The following BRD9 variants were observed in gnomAD, a reference collection of about 807,000 sequenced individuals.
BRD9 encodes the protein bromodomain containing 9, also known as bromodomain-containing protein 9.
BRD9 carries 47 observed loss-of-function variants against 68.7 expected under a neutral mutation model. That is an observed-to-expected ratio of 0.68 (90% CI 0.54 to 0.87). The LOEUF is 0.87. Ranked by LOEUF, BRD9 falls within the 40% of genes least tolerant of loss-of-function variation. The pLI, the probability that BRD9 is intolerant of heterozygous loss-of-function variation, is 0.00. For missense variants in BRD9, 670 were observed against 748.4 expected (o/e 0.90, Z 1.22); for synonymous variants, 313 against 293.9 (o/e 1.06, Z -0.67).
chr5:878,272 C>T (rs1412662676), intron 11 of BRD9, 83 bp downstream of exon 11: 34 of 1,573,792 alleles, frequency 2.2e-5, no homozygotes, highest in Non-Finnish European at 2.8e-5. Context: ...TCCCCACCCG[C>T]ACACATGTGG....
intron 6 of BRD9, chr5:886,954 C>G (rs1301438191): frequency 1.7e-6 from 1 of 583,850 alleles, no homozygotes; most frequent in African/African-American, 1.9e-5. Context: ...TGCCGCACCT[C>G]CCCTTTACCT....
At chr5:865,267 T>A (rs1382938633) in intron 15 of BRD9, 147 bp downstream of exon 15, 2 of 1,119,836 alleles carry the variant, frequency 1.8e-6, no homozygotes, top group Non-Finnish European at 2.5e-6. Context: ...CCCAAGGACA[T>A]CTGTGGAAAC....
chr5:881,033 C>T, intron 9 of BRD9, 74 bp downstream of exon 9: 2 of 1,493,242 alleles, frequency 1.3e-6, no homozygotes, highest in East Asian at 2.3e-5. Context: ...CTCAGCTTTT[C>T]ATTACAGAAT....
chr5:888,550 A>G (rs1025719605), intron 5 of BRD9: 1 of 152,554 alleles, frequency 6.6e-6, no homozygotes, highest in African/African-American at 2.4e-5. Context: ...TGCAAAACCA[A>G]TGAGCAGTTG....
intron 9 of BRD9, among the ~76,000 whole-genome samples, chr5:880,609 A>C (rs990303401): frequency 9.2e-5 from 14 of 152,292 alleles, no homozygotes; most frequent in African/African-American, 3.1e-4. Flanking sequence ...ACTTTCGTTC[A>C]AAGGACAAGC....
chr5:892,236 C>T, intron 1 of BRD9: 1 of 451,810 alleles, frequency 2.2e-6, no homozygotes, highest in Non-Finnish European at 3.9e-6. Flanking sequence ...GTGCTGCCCG[C>T]TGACACCCAT....
chr5:892,776 C>A lies in BRD9; in HGVS notation c.-119G>T, dbSNP rs1419473887. On this transcript the variant is annotated 5_prime_UTR_variant, in exon 1 of 16. Coordinates refer to ENST00000467963, the MANE Select transcript of BRD9 (RefSeq NM_023924.5). ...CCCGCGCTCGCTGCGCCGAGGTTGC[C>A]GAGCTCGCTGGGCCGCGCCGGAAAC... 4 of 1,106,484 alleles carry A rather than the reference C, an allele frequency of 3.6e-6. No individual in the cohort carries two copies. The highest frequency in any genetic ancestry group is 3.4e-4 in the Middle Eastern group (1 of 2,984). 68.5% of individuals were successfully genotyped at this position (1,106,484 alleles called of 1,614,324 possible). A position where few individuals can be genotyped will look rare whatever the true frequency, so the allele number is the denominator to read the frequency against.
chr5:872,985 C>T lies in BRD9; in HGVS notation c.1384-1421G>A, dbSNP rs891039718. Reference sequence around the variant, plus strand: ...TTAAAGACCAGCCTGGCCAACATGGCGAAACTCCGCCTCTACTAAAAATAC... The same window carrying T: ...TTAAAGACCAGCCTGGCCAACATGGTGAAACTCCGCCTCTACTAAAAATAC... On this transcript the variant is annotated intron_variant, in intron 12 of 15. Transcript: ENST00000467963. Among the ~76,000 whole-genome samples the T allele has an allele frequency of 9.9e-5, 15 of 152,050 alleles. No homozygotes were observed. The East Asian group carries it at 2.9e-3, about 29-fold the overall frequency.
At chr5:876,237 C>CG (rs746711812) in intron 11 of BRD9, 25 bp from the exon 12 acceptor site, 2 of 1,579,112 alleles carry the variant, frequency 1.3e-6, no homozygotes, top group Non-Finnish European at 1.7e-6. Flanking sequence ...GGAGAAGGTA[C>CG]GCTGAAAGGA....
rs1332970254 is a variant in BRD9, at chr5:892,773, T to C, written c.-116A>G. 5 of 1,117,062 alleles carry C rather than the reference T, an allele frequency of 4.5e-6. No individual in the cohort carries two copies. The highest frequency in any genetic ancestry group is 5.6e-6 in the Non-Finnish European group (5 of 886,496). 69.2% of individuals were successfully genotyped at this position (1,117,062 alleles called of 1,614,324 possible). On this transcript the variant is annotated 5_prime_UTR_variant, in exon 1 of 16. Coordinates refer to ENST00000467963, the MANE Select transcript of BRD9 (RefSeq NM_023924.5). ...CCGCCCGCGCTCGCTGCGCCGAGGTTGCCGAGCTCGCTGGGCCGCGCCGGA... is the reference window on the plus strand; with the variant it reads ...CCGCCCGCGCTCGCTGCGCCGAGGTCGCCGAGCTCGCTGGGCCGCGCCGGA...
Position 881,114 on chromosome 5 carries a change from G to A in BRD9, c.1035C>T (p.Asp345=), listed in dbSNP as rs61732621. The stretch of plus-strand genomic sequence containing the variant: ...CCCTGAGCGGGCACCCACCATCAGC[G>A]TCCGGCTCGGCCGTGTTGACCACGC... The part of the protein sequence containing the change: ...LYSVVNTAEP[D]ADEEETHPVD... The change falls in exon 9 of 16, where the codon GAC becomes GAT. Residue 345 remains aspartate (D), a synonymous_variant. Coordinates refer to ENST00000467963, the MANE Select transcript of BRD9 (RefSeq NM_023924.5). 2.3e-5 allele frequency: 37 copies of A among 1,614,020 alleles called. No individual in the cohort carries two copies. Among genetic ancestry groups the A allele is most frequent in the South Asian group, 5.5e-5 (5 of 91,086 alleles).
At position 871,564 on chromosome 5, in the gene BRD9, T is replaced by A; in HGVS notation, c.1384A>T (p.Arg462Ter). Reference protein sequence around the residue: ...HSRTLFQLKQRRNVPMKPPDE... With the variant: ...HSRTLFQLKQ Reference sequence around the variant, plus strand: ...GGAGGCTTCATGGGAACATTTCTTCTCTGAAAAGTAAATGAGGACAGAAAC... The same window carrying A: ...GGAGGCTTCATGGGAACATTTCTTCACTGAAAAGTAAATGAGGACAGAAAC... The change falls in exon 13 of 16, where the codon AGA (arginine) becomes TGA (stop). Residue 462 changes from arginine to a stop codon, truncating the protein, a stop_gained and splice_region_variant. Coordinates refer to ENST00000467963, the MANE Select transcript of BRD9 (RefSeq NM_023924.5). LOFTEE classifies it high-confidence loss of function. 2 of 1,614,092 alleles carry A rather than the reference T, an allele frequency of 1.2e-6. No individual in the cohort carries two copies. Among genetic ancestry groups the A allele is most frequent in the Non-Finnish European group, 1.7e-6 (2 of 1,179,924 alleles).
chr5:886,974 T>C (rs1265778680), intron 6 of BRD9: 1 of 544,802 alleles, frequency 1.8e-6, no homozygotes, highest in African/African-American at 1.9e-5. Flanking sequence ...TTCTCCTACG[T>C]GGGATGCATG....
chr5:865,372 G>A, intron 15 of BRD9, 42 bp downstream of exon 15: 1 of 1,534,926 alleles, frequency 6.5e-7, no homozygotes. Flanking sequence ...CACTGACTGT[G>A]CTGGGGTCTC....
chr5:889,480 G>T, intron 4 of BRD9, 107 bp downstream of exon 4: 1 of 1,236,380 alleles, frequency 8.1e-7, no homozygotes, highest in Non-Finnish European at 1.1e-6. Flanking sequence ...AAGAGAAGGT[G>T]CAGGGTCTGT....
Position 891,845 on chromosome 5 carries a change from T to A in BRD9, c.62A>T (p.Asp21Val). 1 of 1,551,302 alleles carries A rather than the reference T, an allele frequency of 6.4e-7. No individual in the cohort carries two copies. ...EWRSSYEDYA[D>V]KPLEKPLKLV... The stretch of plus-strand genomic sequence containing the variant: ...CTTTAGAGGCTTCTCCAGGGGCTTG[T>A]CGGCATAATCTGCACAGACACAGAC... Residue 21 changes from aspartate to valine, a missense_variant, in exon 2 of 16, where the codon GAC becomes GTC. Around this residue, in one of 5 missense-constraint regions of BRD9, gnomAD observed 161 missense variants for 148.1 expected, o/e 1.09. Coordinates refer to ENST00000467963, the MANE Select transcript of BRD9 (RefSeq NM_023924.5).
In BRD9 at chr5:864,438, T is replaced by A; in HGVS notation, c.*30A>T. ...CACGTGCAAAATAAAACTAAAAAAA[T>A]AAAATAAAAGAGCTGAAGGTGGTCT... On this transcript the variant is annotated 3_prime_UTR_variant, in exon 16 of 16. Transcript: ENST00000467963. 2.6e-6 allele frequency: 4 copies of A among 1,522,322 alleles called. No homozygotes were observed. The highest frequency in any genetic ancestry group is 3.6e-6 in the Non-Finnish European group (4 of 1,119,496). The allele number at this position is 1,522,322 out of a possible 1,614,324, so 94.3% of individuals were successfully genotyped here.
At chr5:883,425 T>G in intron 8 of BRD9, 1 of 456,974 alleles carries the variant, frequency 2.2e-6, no homozygotes, top group Non-Finnish European at 4.4e-6. Context: ...CTGTTTCCAC[T>G]GAAGACACTG....
intron 12 of BRD9, among the ~76,000 whole-genome samples, chr5:874,668 G>A (rs909464063): frequency 1.3e-5 from 2 of 152,222 alleles, no homozygotes; most frequent in African/African-American, 4.8e-5. Context: ...GTGGCTCAAG[G>A]ATGTAAGGAA....
Sources: allele counts gnomAD v4.1 joint callset (sites outside exome capture counted in the v4.1 genomes callset), GRCh38; gene constraint gnomAD v4.1.1; regional missense constraint gnomAD v4.1.1; transcripts MANE v1.5; gene names NCBI Gene and HGNC (gene_info 2026-07-23, HGNC 2026-07-21).